The following MAOA variants were observed in gnomAD, a reference collection of about 807,000 sequenced individuals.
MAOA encodes amine oxidase [flavin-containing] A.
Under a neutral mutation model 42.0 loss-of-function variants are expected in MAOA, and 6 were observed. The ratio of observed to expected loss-of-function variants is 0.14; its 90% CI spans 0.08 to 0.28. The LOEUF (loss-of-function observed/expected upper bound fraction) is 0.28, where lower values mean the gene tolerates loss of function less well. Ranked by LOEUF, MAOA falls within the 10% of genes least tolerant of loss-of-function variation. MAOA has a pLI of 1.00. For synonymous variants in MAOA, 140 were observed against 154.0 expected (o/e 0.91, Z 0.67); for missense variants, 262 against 422.3 (o/e 0.62, Z 3.33).
chrX:43,725,212 A>C (rs2033822300), intron 5 of MAOA, among the ~76,000 whole-genome samples: 1 of 111,680 alleles, frequency 9.0e-6, no homozygotes, highest in African/African-American at 3.3e-5. Flanking sequence ...AGCTGAATTC[A>C]AGTCCTGAAT....
chrX:43,706,875 G>C (rs986045104), intron 3 of MAOA, among the ~76,000 whole-genome samples: 1 of 111,116 alleles, frequency 9.0e-6, no homozygotes, highest in Non-Finnish European at 1.9e-5. Flanking sequence ...GAGTTTAATG[G>C]TTCTATTTTT....
At chrX:43,723,152 G>T (rs895346483) in intron 5 of MAOA, among the ~76,000 whole-genome samples, 10 of 111,711 alleles carry the variant, frequency 9.0e-5, no homozygotes, top group Admixed American at 3.8e-4. Flanking sequence ...TTTTGCTTAG[G>T]ATTGTCTTGG....
chrX:43,682,482 C>T (rs192878466), intron 1 of MAOA, among the ~76,000 whole-genome samples: 3 of 111,336 alleles, frequency 2.7e-5, no homozygotes, highest in East Asian at 2.8e-4. Flanking sequence ...ATTTGAGCAA[C>T]GAAATAAATG....
intron 1 of MAOA, among the ~76,000 whole-genome samples, chrX:43,672,492 T>G (rs1278383029): frequency 9.0e-6 from 1 of 110,674 alleles, no homozygotes; most frequent in Non-Finnish European, 1.9e-5. Flanking sequence ...TGAATAGGAG[T>G]GGTGAGAGAG....
At chrX:43,671,959 G>A (rs1475932792) in intron 1 of MAOA, among the ~76,000 whole-genome samples, 1 of 110,541 alleles carries the variant, frequency 9.0e-6, no homozygotes, top group Non-Finnish European at 1.9e-5. Context: ...GTTTAAAGTA[G>A]TTTTTTCCAA....
intron 4 of MAOA, 85 bp from the exon 5 acceptor site, chrX:43,712,620 C>A (rs1290261061): frequency 3.3e-6 from 2 of 598,279 alleles, no homozygotes; most frequent in Non-Finnish European, 5.7e-6. Context: ...CCAAGAGACC[C>A]ATTTTCAGAG....
At position 43,701,084 on chromosome X, in the gene MAOA, G is replaced by A. The variant is rs935434165; in HGVS notation, c.306+7656G>A. ...GGCTAAAAATGTTTACATATTTTCA[G>A]TTTGATCTATCCAGTATCCAGTATA... is the stretch of plus-strand genomic sequence containing the variant. On this transcript the variant is annotated intron_variant, in intron 3 of 14. Transcript: ENST00000338702. 1.7e-4 allele frequency among the ~76,000 whole-genome samples: 19 copies of A among 112,329 alleles called. No homozygotes were observed. In the South Asian group the frequency reaches 2.6e-3, roughly 15 times the overall value.
chrX:43,677,187 G>A (rs2033405377), intron 1 of MAOA, among the ~76,000 whole-genome samples: 1 of 111,779 alleles, frequency 8.9e-6, no homozygotes. Context: ...TATGCCCTGG[G>A]AAGCAAAGGG....
chrX:43,694,262 C>A (rs1010219027), intron 3 of MAOA, among the ~76,000 whole-genome samples: 5 of 111,470 alleles, frequency 4.5e-5, no homozygotes, highest in African/African-American at 1.6e-4. Flanking sequence ...CAAATACATC[C>A]CTTCCCCTAC....
At chrX:43,716,953 G>A (rs894493655) in intron 5 of MAOA, among the ~76,000 whole-genome samples, 1 of 111,013 alleles carries the variant, frequency 9.0e-6, no homozygotes, top group East Asian at 2.8e-4. Flanking sequence ...GTTGGGGGAA[G>A]ATAAGAAGGG....
At chrX:43,660,822 T>A (rs756120709) in intron 1 of MAOA, among the ~76,000 whole-genome samples, 2 of 111,858 alleles carry the variant, frequency 1.8e-5, no homozygotes, top group Non-Finnish European at 3.8e-5. Context: ...CTGCCACAGA[T>A]ACAATAAATG....
At chrX:43,721,853 T>C (rs762002823) in intron 5 of MAOA, among the ~76,000 whole-genome samples, 1 of 110,426 alleles carries the variant, frequency 9.1e-6, no homozygotes, top group South Asian at 4.0e-4. Context: ...CCCCATCCCC[T>C]GACAGGCCCT....
chrX:43,724,716 C>T (rs1174182188), intron 5 of MAOA, among the ~76,000 whole-genome samples: 2 of 111,076 alleles, frequency 1.8e-5, no homozygotes, highest in Non-Finnish European at 3.8e-5. Context: ...CTTCTGCTAG[C>T]TTTTGAATTT....
At chrX:43,668,023 T>C (rs980583612) in intron 1 of MAOA, among the ~76,000 whole-genome samples, 43 of 112,109 alleles carry the variant, frequency 3.8e-4, no homozygotes, top group African/African-American at 1.3e-3. Flanking sequence ...GAGAGCTTGC[T>C]AGGATTGTAA....
chrX:43,712,690 T>C lies in MAOA; in HGVS notation c.412-15T>C. The C allele has an allele frequency of 6.1e-6, 7 of 1,149,166 alleles. No individual in the cohort carries two copies. The highest frequency in any genetic ancestry group is 8.3e-6 in the Non-Finnish European group (7 of 839,205). The allele number at this position is 1,149,166 out of a possible 1,213,427, so 94.7% of individuals were successfully genotyped here. On this transcript the variant is annotated splice_polypyrimidine_tract_variant and intron_variant, in intron 4 of 14. Coordinates refer to ENST00000338702, the MANE Select transcript of MAOA (RefSeq NM_000240.4). ...GTTACCATCAAACCTGAGAGGGGAC[T>C]TCCTTTCTCTACAGATTCCAACTGA...
chrX:43,662,939 A>AT (rs1341476808), intron 1 of MAOA, among the ~76,000 whole-genome samples: 1 of 110,887 alleles, frequency 9.0e-6, no homozygotes, highest in East Asian at 2.8e-4. Flanking sequence ...AATATTTTAT[A>AT]TTTTTACCAG....
At chrX:43,697,490 T>C (rs1413035453) in intron 3 of MAOA, among the ~76,000 whole-genome samples, 1 of 112,409 alleles carries the variant, frequency 8.9e-6, no homozygotes, top group Non-Finnish European at 1.9e-5. Context: ...AAAATAAAGA[T>C]TGAAGCTCTA....
chrX:43,667,026 A>G (rs1406353270), intron 1 of MAOA, among the ~76,000 whole-genome samples: 1 of 108,652 alleles, frequency 9.2e-6, no homozygotes, highest in Non-Finnish European at 1.9e-5. Flanking sequence ...GCATTAGGAG[A>G]TATACCTAAT....
At chrX:43,677,738 T>C (rs2033410846) in intron 1 of MAOA, among the ~76,000 whole-genome samples, 1 of 111,849 alleles carries the variant, frequency 8.9e-6, no homozygotes, top group Non-Finnish European at 1.9e-5. Flanking sequence ...GTTCACACAA[T>C]AAGGCCTTAA....
Sources: allele counts gnomAD v4.1 joint callset (sites outside exome capture counted in the v4.1 genomes callset), GRCh38; gene constraint gnomAD v4.1.1; transcripts MANE v1.5; gene names NCBI Gene and HGNC (gene_info 2026-07-23, HGNC 2026-07-21).